RAP1A: variants seen among roughly 807,000 people sequenced by gnomAD.
RAP1A encodes the protein ras-related protein Rap-1A.
RAP1A carries 6 observed loss-of-function variants against 26.4 expected under a neutral mutation model. The observed-to-expected ratio is 0.23, with a 90% CI of 0.12 to 0.45. The LOEUF (loss-of-function observed/expected upper bound fraction) is 0.45, where lower values mean the gene tolerates loss of function less well. Ranked by LOEUF, RAP1A falls within the 20% of genes least tolerant of loss-of-function variation. The pLI is 0.99. For missense variants in RAP1A, 121 were observed against 217.2 expected (o/e 0.56, Z 2.78); for synonymous variants, 73 against 79.4 (o/e 0.92, Z 0.43).
intron 6 of RAP1A, chr1:111,706,816 C>A: frequency 1.2e-6 from 1 of 849,626 alleles, no homozygotes; most frequent in Non-Finnish European, 1.4e-6. Context: ...TAGAATAATA[C>A]TACAAGCATT....
intron 1 of RAP1A, chr1:111,649,539 A>G (rs968155590): frequency 3.0e-5 from 8 of 268,084 alleles, no homozygotes; most frequent in African/African-American, 6.8e-5. Flanking sequence ...AGCGAGTGGT[A>G]AAGCTCATGC....
intron 1 of RAP1A, among the ~76,000 whole-genome samples, chr1:111,661,769 A>G (rs1660644398): frequency 1.3e-5 from 2 of 150,766 alleles, no homozygotes; most frequent in Non-Finnish European, 3.0e-5. Context: ...ACTGCACTCC[A>G]GCCTGGGCGA....
At chr1:111,647,161 C>T (rs1660096972) in intron 1 of RAP1A, among the ~76,000 whole-genome samples, 1 of 152,086 alleles carries the variant, frequency 6.6e-6, no homozygotes, top group African/African-American at 2.4e-5. Flanking sequence ...TATCAGATCA[C>T]TAGTGGCATT....
intron 1 of RAP1A, among the ~76,000 whole-genome samples, chr1:111,658,981 T>C (rs760943920): frequency 6.6e-6 from 1 of 152,230 alleles, no homozygotes; most frequent in African/African-American, 2.4e-5. Flanking sequence ...TTTATCGTTA[T>C]GTAATACTCT....
intron 1 of RAP1A, chr1:111,648,394 G>T: frequency 1.6e-6 from 1 of 623,786 alleles, no homozygotes; most frequent in South Asian, 1.5e-5. Context: ...TGCTGTCCAG[G>T]GCATCACCAA....
rs1657710149 is a variant in RAP1A, at chr1:111,560,853, A to G, written c.-28+18344A>G. Among the ~76,000 whole-genome samples, 4 of 152,252 alleles carry G rather than the reference A, an allele frequency of 2.6e-5. No individual in the cohort carries two copies. In the South Asian group the frequency reaches 8.3e-4, roughly 32 times the overall value. On this transcript the variant is annotated intron_variant, in intron 1 of 7. Transcript: ENST00000356415. ...AAATGTATCCAGCCAATTTCTCTCC[A>G]TCCTCCCAAATCCTTGCCAGGCCTT...
intron 1 of RAP1A, among the ~76,000 whole-genome samples, chr1:111,656,510 ATTTC>A (rs1660465435): frequency 6.6e-6 from 1 of 152,010 alleles, no homozygotes; most frequent in Non-Finnish European, 1.5e-5. Context: ...CCATCTCCCA[ATTTC>A]TTGCCTCCCA....
chr1:111,664,531 C>T (rs1660743635), intron 1 of RAP1A, among the ~76,000 whole-genome samples: 5 of 151,830 alleles, frequency 3.3e-5, no homozygotes, highest in Admixed American at 6.6e-5. Flanking sequence ...GAGTCTCTGC[C>T]TTTTTTCTGG....
chr1:111,555,624 T>C (rs2789532), intron 1 of RAP1A, among the ~76,000 whole-genome samples: 3,959 of 152,096 alleles, frequency 0.026, 127 homozygotes, highest in East Asian at 0.089. Flanking sequence ...TATGTATCTA[T>C]TCACCTTCCC....
At position 111,713,336 on chromosome 1, in the gene RAP1A, G is replaced by A. The variant is rs1662442484; in HGVS notation, c.*935G>A. ...ACAGTAAAATACATCAGACAACATA[G>A]AATAGTTTTGTATATTCTCTCTTGA... On this transcript the variant is annotated 3_prime_UTR_variant, in exon 8 of 8. Coordinates refer to ENST00000369709, the MANE Select transcript of RAP1A (RefSeq NM_002884.4). The A allele has an allele frequency of 2.0e-5, 3 of 152,028 alleles. No individual in the cohort carries two copies. The highest frequency in any genetic ancestry group is 7.2e-5 in the African/African-American group (3 of 41,404). 9.4% of individuals were successfully genotyped at this position (152,028 alleles called of 1,614,324 possible). A position where few individuals can be genotyped will look rare whatever the true frequency, so the allele number is the denominator to read the frequency against.
chr1:111,648,309 C>T (rs1307109743), intron 1 of RAP1A: 3 of 974,276 alleles, frequency 3.1e-6, no homozygotes, highest in Non-Finnish European at 4.6e-6. Context: ...ACTTTGGTGT[C>T]ATTGGTCTCA....
chr1:111,660,263 G>A (rs1660589425), intron 1 of RAP1A, among the ~76,000 whole-genome samples: 1 of 152,182 alleles, frequency 6.6e-6, no homozygotes, highest in South Asian at 2.1e-4. Context: ...CTGAAGAGAA[G>A]TCTGATGCAA....
At chr1:111,693,174 C>T (rs1449932300) in intron 2 of RAP1A, among the ~76,000 whole-genome samples, 1 of 152,038 alleles carries the variant, frequency 6.6e-6, no homozygotes, top group African/African-American at 2.4e-5. Flanking sequence ...AAGAGATGAT[C>T]AGAGAGCATA....
chr1:111,553,230 G>A (rs1414668308), intron 1 of RAP1A, among the ~76,000 whole-genome samples: 1 of 152,162 alleles, frequency 6.6e-6, no homozygotes, highest in East Asian at 1.9e-4. Context: ...TTTCTCCAAG[G>A]CAAAGGCCAG....
At chr1:111,654,252 T>A (rs1557879665) in intron 1 of RAP1A, among the ~76,000 whole-genome samples, 2 of 152,218 alleles carry the variant, frequency 1.3e-5, no homozygotes, top group Non-Finnish European at 2.9e-5. Flanking sequence ...TAACCTATTT[T>A]AAATCATACA....
chr1:111,629,402 A>G (rs1659503102), intron 1 of RAP1A, among the ~76,000 whole-genome samples: 1 of 152,148 alleles, frequency 6.6e-6, no homozygotes, highest in African/African-American at 2.4e-5. Context: ...GATTGATATT[A>G]ATAGTATTTC....
At chr1:111,632,048 A>G (rs2101104841) in intron 1 of RAP1A, among the ~76,000 whole-genome samples, 1 of 152,266 alleles carries the variant, frequency 6.6e-6, no homozygotes, top group East Asian at 1.9e-4. Flanking sequence ...CCAAATGTTT[A>G]TGTAGCCAGT....
chr1:111,667,772 T>G (rs1162217166), intron 1 of RAP1A, among the ~76,000 whole-genome samples: 1 of 152,170 alleles, frequency 6.6e-6, no homozygotes, highest in Non-Finnish European at 1.5e-5. Flanking sequence ...GGTCCCATTT[T>G]ACAACTGGAA....
intron 1 of RAP1A, among the ~76,000 whole-genome samples, chr1:111,685,682 T>C (rs11800813): frequency 0.015 from 2,286 of 152,310 alleles, 54 homozygotes; most frequent in African/African-American, 0.053. Context: ...GGTAGGAGTG[T>C]AAATTAGTTC....
Sources: gnomAD v4.1 joint callset for allele counts (sites outside exome capture counted in the v4.1 genomes callset) on GRCh38, gnomAD v4.1.1 for gene constraint, MANE v1.5 for transcripts, NCBI Gene and HGNC (gene_info 2026-07-23, HGNC 2026-07-21) for gene names.